The following LRRC8C variants were observed in gnomAD, a reference collection of about 807,000 sequenced individuals.
LRRC8C encodes the protein leucine rich repeat containing 8 VRAC subunit C.
Under a neutral mutation model 55.3 loss-of-function variants are expected in LRRC8C, and 20 were observed. That is an observed-to-expected ratio of 0.36 (90% CI 0.25 to 0.53). LRRC8C has a LOEUF of 0.53. Among genes scored for constraint, LRRC8C ranks in the 20% least tolerant of loss-of-function variants. The probability of loss-of-function intolerance (pLI) is 0.92; values close to 1 mark genes in which losing one functional copy is unlikely to be tolerated. For synonymous variants in LRRC8C, 376 were observed against 360.7 expected, an observed-to-expected ratio of 1.04 and a Z score of -0.48; for missense variants, 659 against 951.4, an observed-to-expected ratio of 0.69 and a Z score of 4.04.
chr1:89,693,174 G>A (rs1658070774), intron 2 of LRRC8C, among the ~76,000 whole-genome samples: 3 of 152,184 alleles, frequency 2.0e-5, no homozygotes, highest in Admixed American at 6.5e-5. Flanking sequence ...GTGGCCAGCA[G>A]GGTCACACTA....
At chr1:89,666,682 TTC>T (rs776222257) in intron 1 of LRRC8C, among the ~76,000 whole-genome samples, 1 of 152,162 alleles carries the variant, frequency 6.6e-6, no homozygotes, top group African/African-American at 2.4e-5. Flanking sequence ...TTACTCTAAT[TTC>T]TGTTAGTCAC....
intron 1 of LRRC8C, among the ~76,000 whole-genome samples, chr1:89,680,313 G>A (rs972526342): frequency 9.2e-5 from 14 of 152,186 alleles, no homozygotes; most frequent in Admixed American, 2.6e-4. Flanking sequence ...TCCTGACCTT[G>A]TGATCCGCCC....
the LRRC8C span, among the ~76,000 whole-genome samples, chr1:89,623,215 A>G: frequency 1.1e-4 from 17 of 152,108 alleles, no homozygotes; most frequent in Admixed American, 2.0e-4. Context: ...TTAATGTAAC[A>G]TGGTAATTCC....
chr1:89,671,278 G>A (rs917326745), intron 1 of LRRC8C, among the ~76,000 whole-genome samples: 17 of 152,006 alleles, frequency 1.1e-4, no homozygotes, highest in Admixed American at 8.5e-4. Flanking sequence ...GTTGAAAAAG[G>A]TTAGGGAGGG....
chr1:89,664,807 C>T (rs1370184550), intron 1 of LRRC8C, among the ~76,000 whole-genome samples: 1 of 152,144 alleles, frequency 6.6e-6, no homozygotes, highest in Non-Finnish European at 1.5e-5. Flanking sequence ...TTTGTGTTCT[C>T]TCTTATTTCC....
At chr1:89,645,925 A>AGCAGG (rs1656598976) in intron 1 of LRRC8C, among the ~76,000 whole-genome samples, 1 of 150,008 alleles carries the variant, frequency 6.7e-6, no homozygotes, top group Non-Finnish European at 1.5e-5. Context: ...AGATAGCTAA[A>AGCAGG]GCAGGGCATA....
In LRRC8C at chr1:89,717,596, T is replaced by C. The variant is rs1570750489; in HGVS notation, c.*2614T>C. On this transcript the variant is annotated 3_prime_UTR_variant, in exon 3 of 3. Transcript: ENST00000370454. ...TAGATTTTATAAACCTTCAAAAGTCTGAAACTTAATTTTGAGTCTAAATTT... is the reference window on the plus strand; with the variant it reads ...TAGATTTTATAAACCTTCAAAAGTCCGAAACTTAATTTTGAGTCTAAATTT... The C allele has an allele frequency of 6.6e-6, 1 of 152,198 alleles. No individual in the cohort carries two copies. The highest frequency in any genetic ancestry group is 1.9e-4 in the East Asian group (1 of 5,200). 9.4% of individuals were successfully genotyped at this position (152,198 alleles called of 1,614,324 possible).
intron 1 of LRRC8C, among the ~76,000 whole-genome samples, chr1:89,665,860 C>T (rs966533380): frequency 3.3e-5 from 5 of 152,054 alleles, no homozygotes; most frequent in African/African-American, 1.2e-4. Context: ...TGGTAAGTAC[C>T]CTATACAGGT....
chr1:89,622,587 C>G, the LRRC8C span, among the ~76,000 whole-genome samples: 2 of 152,118 alleles, frequency 1.3e-5, no homozygotes, highest in Non-Finnish European at 2.9e-5. Context: ...CCCGCCTCGG[C>G]CTCCCAAAGT....
intron 2 of LRRC8C, among the ~76,000 whole-genome samples, chr1:89,690,745 C>T (rs1311217929): frequency 6.6e-6 from 1 of 152,138 alleles, no homozygotes; most frequent in Non-Finnish European, 1.5e-5. Flanking sequence ...CTTCCTGCAG[C>T]ACAGCCCCAC....
chr1:89,615,830 A>G, the LRRC8C span, among the ~76,000 whole-genome samples: 1 of 152,216 alleles, frequency 6.6e-6, no homozygotes, highest in Non-Finnish European at 1.5e-5. Context: ...ATATGTCTCT[A>G]TCTCCAGGTT....
chr1:89,657,267 C>A (rs992826746), intron 1 of LRRC8C, among the ~76,000 whole-genome samples: 3 of 152,114 alleles, frequency 2.0e-5, no homozygotes, highest in Non-Finnish European at 4.4e-5. Context: ...GACTTCATAT[C>A]ACCCTAAGTG....
At chr1:89,678,101 A>G (rs1657598206) in intron 1 of LRRC8C, among the ~76,000 whole-genome samples, 1 of 152,224 alleles carries the variant, frequency 6.6e-6, no homozygotes, top group African/African-American at 2.4e-5. Flanking sequence ...GCCCTTGTTC[A>G]CACTGGCTTT....
intron 2 of LRRC8C, among the ~76,000 whole-genome samples, chr1:89,694,947 A>G (rs896907628): frequency 6.9e-6 from 1 of 145,552 alleles, no homozygotes; most frequent in African/African-American, 2.6e-5. Context: ...TTTTTGATAC[A>G]GAGTCTCACT....
At chr1:89,698,493 C>T (rs1403508908) in intron 2 of LRRC8C, among the ~76,000 whole-genome samples, 1 of 152,014 alleles carries the variant, frequency 6.6e-6, no homozygotes, top group African/African-American at 2.4e-5. Flanking sequence ...TTTTTTAGTG[C>T]TTAATCTTTC....
intron 1 of LRRC8C, among the ~76,000 whole-genome samples, chr1:89,639,889 A>G (rs1317864): frequency 0.56 from 84,770 of 152,098 alleles, 24,052 homozygotes; most frequent in East Asian, 0.79. Context: ...TAATAGGGAC[A>G]TTAAGAGACA....
At chr1:89,633,030 C>T (rs568037140), upstream of LRRC8C, 59 of 152,034 alleles carry the variant, frequency 3.9e-4, 1 homozygote, top group South Asian at 3.9e-3. Context: ...CGCTGGCTGC[C>T]GCTAGCCGGG....
chr1:89,685,915 T>C (rs1657866338), intron 1 of LRRC8C, among the ~76,000 whole-genome samples: 3 of 152,108 alleles, frequency 2.0e-5, no homozygotes, highest in African/African-American at 4.8e-5. Flanking sequence ...CAATAAGACC[T>C]TTCTTCTTAA....
rs988747880 is a variant in LRRC8C at position 89,650,518 on chromosome 1, C to T, written c.-5+17196C>T. On this transcript the variant is annotated intron_variant, in intron 1 of 2. Transcript: ENST00000370454. ...AAGTAAAAAAAAAAAGGTATATTTC[C>T]CCAAGTAATCCATGGGTGGGCCAAT... is the stretch of plus-strand genomic sequence containing the variant. 1.4e-4 allele frequency among the ~76,000 whole-genome samples: 22 copies of T among 152,100 alleles called. 2 individuals are homozygous for T. Among genetic ancestry groups the T allele is most frequent in the Admixed American group, 9.2e-4 (14 of 15,288 alleles).
Sources: allele counts gnomAD v4.1 joint callset (sites outside exome capture counted in the v4.1 genomes callset), GRCh38; gene constraint gnomAD v4.1.1; transcripts MANE v1.5; gene names NCBI Gene and HGNC (gene_info 2026-07-23, HGNC 2026-07-21).